Variants in SUMF1 observed in about 807,000 individuals in gnomAD.
SUMF1 encodes sulfatase modifying factor 1.
Under a neutral mutation model 47.6 loss-of-function variants are expected in SUMF1, and 48 were observed. The observed-to-expected ratio is 1.01, with a 90% CI of 0.80 to 1.28. SUMF1 has a LOEUF of 1.28. Ranked by LOEUF, SUMF1 falls within the 50% of genes most tolerant of loss-of-function variation. The pLI is 0.00. For synonymous variants in SUMF1, 230 were observed against 192.1 expected, an observed-to-expected ratio of 1.20 and a Z score of -1.63; for missense variants, 571 against 485.4, an observed-to-expected ratio of 1.18 and a Z score of -1.66.
chr3:4,378,122 T>C (rs1362630185), intron 7 of SUMF1, among the ~76,000 whole-genome samples: 1 of 152,138 alleles, frequency 6.6e-6, no homozygotes, highest in Non-Finnish European at 1.5e-5. Flanking sequence ...TATTATTAAG[T>C]CAAAAATGCA....
intron 9 of SUMF1, among the ~76,000 whole-genome samples, chr3:4,066,849 T>C (rs930175690): frequency 6.6e-6 from 1 of 152,170 alleles, no homozygotes; most frequent in African/African-American, 2.4e-5. Flanking sequence ...TCCTGTGGCT[T>C]CGCATACGAG....
intron 9 of SUMF1, among the ~76,000 whole-genome samples, chr3:4,063,224 A>C (rs1695302813): frequency 6.6e-6 from 1 of 152,058 alleles, no homozygotes; most frequent in Admixed American, 6.6e-5. Flanking sequence ...CCACACATCA[A>C]CTGCCTAACA....
intron 8 of SUMF1, among the ~76,000 whole-genome samples, chr3:4,121,448 A>G (rs1328554831): frequency 2.0e-5 from 3 of 152,150 alleles, no homozygotes; most frequent in African/African-American, 7.2e-5. Context: ...AAGGCTACCA[A>G]TCCTTTAAAC....
At chr3:4,413,618 T>C (rs1313539726) in intron 6 of SUMF1, among the ~76,000 whole-genome samples, 1 of 152,046 alleles carries the variant, frequency 6.6e-6, no homozygotes. Flanking sequence ...CTGGCACATT[T>C]TCAGATGAAT....
downstream of SUMF1, among the ~76,000 whole-genome samples, chr3:4,356,156 A>G (rs1398673410): frequency 6.6e-6 from 1 of 152,230 alleles, no homozygotes; most frequent in Non-Finnish European, 1.5e-5. Flanking sequence ...TGTTTTAAGC[A>G]TTTGAAACAA....
chr3:4,406,083 G>C (rs985969172), intron 7 of SUMF1, among the ~76,000 whole-genome samples: 1 of 151,722 alleles, frequency 6.6e-6, no homozygotes, highest in African/African-American at 2.4e-5. Context: ...AAAGGCCAGC[G>C]TTTCTCATTA....
intron 8 of SUMF1, among the ~76,000 whole-genome samples, chr3:4,369,065 A>G (rs1553563716): frequency 6.7e-6 from 1 of 149,598 alleles, no homozygotes; most frequent in African/African-American, 2.5e-5. Context: ...TTTTTTTTAA[A>G]TTATTCTCTT....
At position 4,072,263 on chromosome 3, in the gene SUMF1, C is replaced by T. The variant is rs557677222; in HGVS notation, c.1015-3518G>A. On this transcript the variant is annotated intron_variant and NMD_transcript_variant, in intron 8 of 12. Transcript: ENST00000448413. ...GCCTGACTGTTAGAAGGAAAACTAA[C>T]AAATAGAAAGGAATAGCATCAACAT... Among the ~76,000 whole-genome samples, 3 of 152,204 alleles carry T rather than the reference C, an allele frequency of 2.0e-5. No individual in the cohort carries two copies. In the South Asian group the frequency reaches 6.2e-4, roughly 32 times the overall value.
intron 2 of SUMF1, among the ~76,000 whole-genome samples, chr3:4,449,581 C>T (rs1382603739): frequency 6.6e-6 from 1 of 152,180 alleles, no homozygotes; most frequent in Middle Eastern, 3.2e-3. Flanking sequence ...GCAGACTGAA[C>T]AAGATTAGCT....
intron 8 of SUMF1, among the ~76,000 whole-genome samples, chr3:4,156,583 A>G (rs1262012741): frequency 6.6e-6 from 1 of 151,630 alleles, no homozygotes; most frequent in Non-Finnish European, 1.5e-5. Context: ...TCACCAAGCT[A>G]AAAACTGTTT....
intron 1 of SUMF1, among the ~76,000 whole-genome samples, chr3:4,464,688 T>A (rs201352569): frequency 4.6e-5 from 7 of 152,316 alleles, no homozygotes; most frequent in East Asian, 3.9e-4. Context: ...GTGTCAGAAT[T>A]AGACCAAAGT....
chr3:4,414,278 C>A (rs1056194215), intron 6 of SUMF1, among the ~76,000 whole-genome samples: 2 of 152,216 alleles, frequency 1.3e-5, no homozygotes, highest in Admixed American at 6.5e-5. Flanking sequence ...TTGCAGTAAG[C>A]TGTGATCATG....
intron 7 of SUMF1, among the ~76,000 whole-genome samples, chr3:4,395,332 T>A (rs1575170891): frequency 6.6e-6 from 1 of 152,180 alleles, no homozygotes. Context: ...TTTGTATTTT[T>A]TTTTACCTAA....
intron 8 of SUMF1, among the ~76,000 whole-genome samples, chr3:4,300,688 C>G (rs1309006091): frequency 6.6e-6 from 1 of 152,124 alleles, no homozygotes; most frequent in Non-Finnish European, 1.5e-5. Context: ...AAAAGCAAGT[C>G]ACTAAAAAAT....
At chr3:4,323,164 A>G (rs113144641) in intron 8 of SUMF1, among the ~76,000 whole-genome samples, 1,631 of 152,296 alleles carry the variant, frequency 0.011, 17 homozygotes, top group African/African-American at 0.036. Flanking sequence ...TATCCATGCA[A>G]TGGAATATTG....
chr3:4,245,996 C>T (rs538052760), intron 8 of SUMF1, among the ~76,000 whole-genome samples: 6 of 152,300 alleles, frequency 3.9e-5, no homozygotes, highest in Non-Finnish European at 7.4e-5. Flanking sequence ...CAAGCTCCAG[C>T]GTCCCAGGTC....
intron 8 of SUMF1, among the ~76,000 whole-genome samples, chr3:4,190,784 C>G (rs1695298078): frequency 6.6e-6 from 1 of 152,098 alleles, no homozygotes; most frequent in South Asian, 2.1e-4. Context: ...AAATAAGCCA[C>G]CATGCCTGCT....
At chr3:4,189,931 T>A (rs1437223965) in intron 8 of SUMF1, among the ~76,000 whole-genome samples, 1 of 152,198 alleles carries the variant, frequency 6.6e-6, no homozygotes, top group Non-Finnish European at 1.5e-5. Context: ...CATCTGAGCA[T>A]CTGCAAAATC....
At chr3:4,215,837 T>C (rs1338985266) in intron 8 of SUMF1, among the ~76,000 whole-genome samples, 1 of 152,096 alleles carries the variant, frequency 6.6e-6, no homozygotes, top group African/African-American at 2.4e-5. Context: ...TCATAAGGAA[T>C]GTGAAGGACC....
Sources: gnomAD v4.1 joint callset for allele counts (sites outside exome capture counted in the v4.1 genomes callset) on GRCh38, gnomAD v4.1.1 for gene constraint, MANE v1.5 for transcripts, NCBI Gene and HGNC (gene_info 2026-07-23, HGNC 2026-07-21) for gene names.